Variants in FKBP5 observed in about 807,000 individuals in gnomAD.
FKBP5 encodes peptidyl-prolyl cis-trans isomerase FKBP5.
FKBP5 carries 23 observed loss-of-function variants against 50.5 expected under a neutral mutation model. The observed-to-expected ratio is 0.46, with a 90% CI of 0.33 to 0.65. The LOEUF (loss-of-function observed/expected upper bound fraction) is 0.65. Among genes scored for constraint, FKBP5 ranks in the 30% least tolerant of loss-of-function variants. The pLI is 0.02. For synonymous variants in FKBP5, 176 were observed against 190.6 expected (o/e 0.92, Z 0.63); for missense variants, 411 against 553.1 (o/e 0.74, Z 2.58).
chr6:35,671,263 CAAAA>C (rs760437984), intron 1 of FKBP5, among the ~76,000 whole-genome samples: 1 of 128,944 alleles, frequency 7.8e-6, no homozygotes. Context: ...AATCCTGTCT[CAAAA>C]AAAAAAAAAA....
At chr6:35,588,239 C>G (rs1762675509) in intron 7 of FKBP5, among the ~76,000 whole-genome samples, 1 of 151,942 alleles carries the variant, frequency 6.6e-6, no homozygotes, top group African/African-American at 2.4e-5. Context: ...ATTGGTCAGG[C>G]TGGTCTCAAA....
At chr6:35,727,984 C>T (rs948785523) in intron 1 of FKBP5, among the ~76,000 whole-genome samples, 2 of 152,214 alleles carry the variant, frequency 1.3e-5, no homozygotes, top group Non-Finnish European at 2.9e-5. Context: ...TGCTCGCCAA[C>T]CCCTGCCCCA....
intron 1 of FKBP5, among the ~76,000 whole-genome samples, chr6:35,667,019 CTGTG>C (rs35407744): frequency 0.011 from 1,696 of 148,892 alleles, 15 homozygotes; most frequent in African/African-American, 0.022. Flanking sequence ...GTGTGTGTGT[CTGTG>C]TGTGTGTGTG....
At chr6:35,696,460 T>C (rs1377818246) in intron 2 of FKBP5, among the ~76,000 whole-genome samples, 7 of 147,352 alleles carry the variant, frequency 4.8e-5, no homozygotes, top group Non-Finnish European at 3.0e-5. Context: ...TGCAGTAAAC[T>C]GAGATCATGC....
intron 2 of FKBP5, among the ~76,000 whole-genome samples, chr6:35,694,538 A>G (rs772023907): frequency 5.9e-5 from 9 of 152,186 alleles, no homozygotes; most frequent in Non-Finnish European, 1.2e-4. Context: ...TTAAGTAACA[A>G]TAGTAATATC....
intron 2 of FKBP5, among the ~76,000 whole-genome samples, chr6:35,712,756 A>G (rs1766436541): frequency 6.6e-6 from 1 of 152,154 alleles, no homozygotes; most frequent in African/African-American, 2.4e-5. Flanking sequence ...ATGCTGAGGC[A>G]CCAGTGCCTT....
At chr6:35,688,120 T>G (rs1765887082) in intron 1 of FKBP5, among the ~76,000 whole-genome samples, 1 of 152,208 alleles carries the variant, frequency 6.6e-6, no homozygotes, top group Non-Finnish European at 1.5e-5. Context: ...CGCGGACTCC[T>G]CCACAAGCGG....
At chr6:35,636,409 TCAA>T (rs973736630) in intron 3 of FKBP5, among the ~76,000 whole-genome samples, 8 of 152,232 alleles carry the variant, frequency 5.3e-5, no homozygotes, top group African/African-American at 1.9e-4. Context: ...ATTTGCCCTT[TCAA>T]GTAAAAATGG....
chr6:35,592,878 G>C (rs1300940774), intron 6 of FKBP5, among the ~76,000 whole-genome samples: 1 of 152,148 alleles, frequency 6.6e-6, no homozygotes, highest in Non-Finnish European at 1.5e-5. Context: ...CTATGACCAA[G>C]GATTAGCAAG....
intron 2 of FKBP5, among the ~76,000 whole-genome samples, chr6:35,700,987 A>G (rs1436377004): frequency 6.6e-6 from 1 of 152,102 alleles, no homozygotes; most frequent in African/African-American, 2.4e-5. Context: ...AAATAAATAA[A>G]AAAATTTAAA....
At chr6:35,598,594 T>C (rs374876761) in intron 5 of FKBP5, among the ~76,000 whole-genome samples, 1 of 152,216 alleles carries the variant, frequency 6.6e-6, no homozygotes, top group Non-Finnish European at 1.5e-5. Flanking sequence ...GGGTATTCTA[T>C]TTTAAGTTTT....
chr6:35,606,659 CAAAAAAAAAAAAAAAAAA>C lies in FKBP5; in HGVS notation c.509-9273_509-9256del, dbSNP rs61139697. On this transcript the variant is annotated intron_variant, in intron 5 of 10. Coordinates refer to ENST00000357266, the MANE Select transcript of FKBP5 (RefSeq NM_004117.4). ...TGGGCAACAGAATGAGACTCCGTCT[CAAAAAAAAAAAAAAAAAA>C]AAAAAAAAAAAAAAAAAAAGTCAAA... Among the ~76,000 whole-genome samples, 212 of 25,126 alleles carry C rather than the reference CAAAAAAAAAAAAAAAAAA, an allele frequency of 8.4e-3. 2 individuals are homozygous for C. Among genetic ancestry groups the C allele is most frequent in the Middle Eastern group, 0.045 (1 of 22 alleles). The allele number at this position is 25,126 out of a possible 152,430, so 16.5% of individuals were successfully genotyped here.
Position 35,597,379 on chromosome 6 carries a change from TCC to T in FKBP5, c.532_533del (p.Gly178LysfsTer4). 1 of 1,613,948 alleles carries T rather than the reference TCC, an allele frequency of 6.2e-7. No homozygotes were observed. The highest frequency in any genetic ancestry group is 8.5e-7 in the Non-Finnish European group (1 of 1,179,964). On this transcript the variant is annotated frameshift_variant, in exon 6 of 11. Coordinates refer to ENST00000357266, the MANE Select transcript of FKBP5 (RefSeq NM_004117.4). LOFTEE classifies it high-confidence loss of function. ...VEIHLEGRCGGRMFDCRDVAF... is the reference protein window; with the variant it reads ...VEIHLEGRCGXRMFDCRDVAF... Reference sequence around the variant, plus strand: ...CCACATCTCTGCAGTCAAACATCCTTCCACCACAGCGGCCTTCCAGGTGGACT... The same window carrying T: ...CCACATCTCTGCAGTCAAACATCCTTACCACAGCGGCCTTCCAGGTGGACT...
rs141210844 is a variant in FKBP5, at chr6:35,645,230, C to T, written c.-19-2387G>A. On this transcript the variant is annotated intron_variant, in intron 1 of 10. Transcript: ENST00000357266. ...GAAAAGACAAAAACAGATTGTGGAG[C>T]ACTCTACAAGACCATTGGCCTACAC... 6.6e-5 allele frequency among the ~76,000 whole-genome samples: 10 copies of T among 152,284 alleles called. No individual in the cohort carries two copies. In the East Asian group the frequency reaches 1.9e-3, roughly 29 times the overall value.
chr6:35,642,604 T>G (rs564868331), intron 2 of FKBP5, 116 bp downstream of exon 2: 1 of 705,490 alleles, frequency 1.4e-6, no homozygotes. Context: ...GCTCTAGTGT[T>G]TGGCACTTAG....
At chr6:35,637,186 G>A (rs1764336253) in intron 2 of FKBP5, 28 bp from the exon 3 acceptor site, 7 of 1,596,642 alleles carry the variant, frequency 4.4e-6, no homozygotes, top group Non-Finnish European at 6.0e-6. Context: ...TAAGAAAAAG[G>A]AGGTCAAACT....
chr6:35,592,383 A>G (rs1762848386), intron 6 of FKBP5, among the ~76,000 whole-genome samples: 1 of 152,184 alleles, frequency 6.6e-6, no homozygotes, highest in African/African-American at 2.4e-5. Context: ...TTACACAGAA[A>G]ATGGAAGCTG....
At chr6:35,619,001 A>G in intron 5 of FKBP5, 95 bp downstream of exon 5, 1 of 826,998 alleles carries the variant, frequency 1.2e-6, no homozygotes, top group Non-Finnish European at 2.0e-6. Context: ...CAGCCGATAT[A>G]TTCATTTCTA....
chr6:35,573,623 CAAA>C lies in FKBP5; in HGVS notation c.*2209_*2211del. 1 of 151,534 alleles carries C rather than the reference CAAA, an allele frequency of 6.6e-6. No individual in the cohort carries two copies. The highest frequency in any genetic ancestry group is 2.1e-4 in the South Asian group (1 of 4,820). The allele number at this position is 151,534 out of a possible 1,614,324, so 9.4% of individuals were successfully genotyped here. ...TTTTTGGATTTATTTAAAGAACACACAAAAAAGTGCATCTAAATGATTTTTTTT... is the reference window on the plus strand; with the variant it reads ...TTTTTGGATTTATTTAAAGAACACACAAAGTGCATCTAAATGATTTTTTTT... On this transcript the variant is annotated 3_prime_UTR_variant, in exon 11 of 11. Coordinates refer to ENST00000357266, the MANE Select transcript of FKBP5 (RefSeq NM_004117.4).
Sources: allele counts gnomAD v4.1 joint callset (sites outside exome capture counted in the v4.1 genomes callset), GRCh38; gene constraint gnomAD v4.1.1; transcripts MANE v1.5; gene names NCBI Gene and HGNC (gene_info 2026-07-23, HGNC 2026-07-21).